Variants in PDE1C observed in about 807,000 individuals in gnomAD.
PDE1C encodes dual specificity calcium/calmodulin-dependent 3',5'-cyclic nucleotide phosphodiesterase 1C.
PDE1C carries 62 observed loss-of-function variants against 93.1 expected under a neutral mutation model. That is an observed-to-expected ratio of 0.67 (90% CI 0.54 to 0.82). The LOEUF (loss-of-function observed/expected upper bound fraction) is 0.82. Ranked by LOEUF, PDE1C falls within the 40% of genes least tolerant of loss-of-function variation. PDE1C has a pLI of 0.00. For missense variants in PDE1C, 742 were observed against 884.6 expected (o/e 0.84, Z 2.04); for synonymous variants, 325 against 310.1 (o/e 1.05, Z -0.50).
At chr7:32,017,202 T>A (rs941398888) in intron 2 of PDE1C, among the ~76,000 whole-genome samples, 10 of 152,098 alleles carry the variant, frequency 6.6e-5, no homozygotes, top group African/African-American at 2.4e-4. Flanking sequence ...ATGACAAAAA[T>A]GCCTTGACAT....
In PDE1C at chr7:32,396,569, G is replaced by C. The variant is rs544080394; in HGVS notation, c.310+31253C>G. Among the ~76,000 whole-genome samples the C allele has an allele frequency of 5.9e-5, 9 of 152,020 alleles. 1 individual carries two copies. In the South Asian group the frequency reaches 1.9e-3, roughly 32 times the overall value. Reference sequence around the variant, plus strand: ...GTCTTCAACTTTCTTTGAAATGCATGAAAAAATAAGATGAATTGATGGATG... The same window carrying C: ...GTCTTCAACTTTCTTTGAAATGCATCAAAAAATAAGATGAATTGATGGATG... On this transcript the variant is annotated intron_variant, in intron 1 of 1. Transcript: ENST00000672256.
intron 1 of PDE1C, among the ~76,000 whole-genome samples, chr7:32,223,081 C>A (rs936178747): frequency 6.6e-6 from 1 of 152,220 alleles, no homozygotes; most frequent in African/African-American, 2.4e-5. Flanking sequence ...CCTCAGACTG[C>A]GGCACCTCCC....
At chr7:31,808,510 C>A (rs1787135524) in intron 16 of PDE1C, among the ~76,000 whole-genome samples, 1 of 151,870 alleles carries the variant, frequency 6.6e-6, no homozygotes, top group Non-Finnish European at 1.5e-5. Flanking sequence ...AGGACTTGTT[C>A]TTGCTGGCAA....
intron 3 of PDE1C, among the ~76,000 whole-genome samples, chr7:31,879,740 T>C (rs1463759882): frequency 1.3e-5 from 2 of 152,186 alleles, no homozygotes; most frequent in African/African-American, 4.8e-5. Context: ...GATTTAATCA[T>C]CTAATAGCTG....
intron 10 of PDE1C, among the ~76,000 whole-genome samples, chr7:31,837,663 G>T (rs1289073306): frequency 1.3e-5 from 2 of 152,210 alleles, no homozygotes; most frequent in African/African-American, 4.8e-5. Flanking sequence ...AACTGATGCT[G>T]CCTCTATTAT....
chr7:31,929,767 CT>C (rs1335186480), intron 2 of PDE1C, among the ~76,000 whole-genome samples: 2 of 152,190 alleles, frequency 1.3e-5, no homozygotes, highest in Admixed American at 6.5e-5. Context: ...ATCAGAATCT[CT>C]GGCACACGGC....
At chr7:31,765,361 T>C (rs1795078401) in intron 17 of PDE1C, among the ~76,000 whole-genome samples, 1 of 152,246 alleles carries the variant, frequency 6.6e-6, no homozygotes, top group Non-Finnish European at 1.5e-5. Context: ...TCATCATTAA[T>C]GTGTTTCTTC....
At chr7:31,814,726 A>G (rs745598325) in intron 15 of PDE1C, among the ~76,000 whole-genome samples, 1 of 148,596 alleles carries the variant, frequency 6.7e-6, no homozygotes, top group Non-Finnish European at 1.5e-5. Flanking sequence ...AATACATGCT[A>G]TTTGTTGTTA....
At chr7:32,206,547 C>T (rs1410087758) in intron 2 of PDE1C, among the ~76,000 whole-genome samples, 1 of 152,190 alleles carries the variant, frequency 6.6e-6, no homozygotes, top group Non-Finnish European at 1.5e-5. Context: ...TGTCAGGAGC[C>T]ACAGTGGGTT....
chr7:31,793,203 T>C (rs1784785229), intron 16 of PDE1C, among the ~76,000 whole-genome samples: 2 of 152,032 alleles, frequency 1.3e-5, no homozygotes, highest in African/African-American at 4.8e-5. Context: ...GATTTAAAGA[T>C]AATTGGTTTT....
intron 3 of PDE1C, among the ~76,000 whole-genome samples, chr7:32,121,903 C>A (rs901702026): frequency 1.3e-5 from 2 of 151,988 alleles, no homozygotes; most frequent in East Asian, 3.9e-4. Flanking sequence ...GGCTAAATGC[C>A]CCCAATTAAA....
chr7:32,051,852 C>T (rs1584611178), intron 1 of PDE1C, among the ~76,000 whole-genome samples: 1 of 152,114 alleles, frequency 6.6e-6, no homozygotes, highest in South Asian at 2.1e-4. Flanking sequence ...TTTGAAGGTT[C>T]CATGGCATTT....
intron 1 of PDE1C, among the ~76,000 whole-genome samples, chr7:32,219,321 C>T (rs1037759378): frequency 6.6e-6 from 1 of 152,080 alleles, no homozygotes; most frequent in African/African-American, 2.4e-5. Context: ...TGGGAGCAGA[C>T]TGAGATGCAT....
At chr7:32,384,082 T>G (rs74630454) in intron 1 of PDE1C, among the ~76,000 whole-genome samples, 1,798 of 152,288 alleles carry the variant, frequency 0.012, 30 homozygotes, top group African/African-American at 0.041. Flanking sequence ...AAAAGAGCCC[T>G]CTCATTCACC....
chr7:32,024,969 A>G (rs1387396322), intron 2 of PDE1C, among the ~76,000 whole-genome samples: 1 of 152,126 alleles, frequency 6.6e-6, no homozygotes, highest in East Asian at 1.9e-4. Flanking sequence ...TACCAGCCCA[A>G]TGAGGGTATC....
the PDE1C span, among the ~76,000 whole-genome samples, chr7:31,685,252 C>CA: frequency 6.6e-6 from 1 of 151,944 alleles, no homozygotes; most frequent in African/African-American, 2.4e-5. Flanking sequence ...TGATTGGGAG[C>CA]AGGAGGTTAG....
the PDE1C span, among the ~76,000 whole-genome samples, chr7:31,703,664 C>T: frequency 6.6e-6 from 1 of 152,174 alleles, no homozygotes; most frequent in Non-Finnish European, 1.5e-5. Context: ...ATAGAGCCTT[C>T]GGCAGATGTT....
In PDE1C at chr7:32,407,033, T is replaced by C. The variant is rs1186880759; in HGVS notation, c.310+20789A>G. ...GCTCATGCCTGTAATCCAAGCACTT[T>C]GGGAGGCCAAGGTGGGCGAATCACG... On this transcript the variant is annotated intron_variant, in intron 1 of 1. Coordinates refer to the PDE1C transcript ENST00000672256. Among the ~76,000 whole-genome samples the C allele has an allele frequency of 2.0e-5, 3 of 152,174 alleles. No homozygotes were observed. In the East Asian group the frequency reaches 5.8e-4, roughly 29 times the overall value.
chr7:32,164,749 A>T (rs752783693), intron 3 of PDE1C, among the ~76,000 whole-genome samples: 1 of 152,036 alleles, frequency 6.6e-6, no homozygotes, highest in Non-Finnish European at 1.5e-5. Context: ...GGTCCCTCCC[A>T]CCTCTGGGAA....
Sources: allele counts gnomAD v4.1 joint callset (sites outside exome capture counted in the v4.1 genomes callset), GRCh38; gene constraint gnomAD v4.1.1; transcripts MANE v1.5; gene names NCBI Gene and HGNC (gene_info 2026-07-23, HGNC 2026-07-21).